The following P2RY14 variants were observed in gnomAD, a reference collection of about 807,000 sequenced individuals.
P2RY14 encodes the protein P2Y purinoceptor 14.
A neutral mutation model predicts 0.9 loss-of-function variants in P2RY14; 2 were observed. That is an observed-to-expected ratio of 2.16 (90% CI 0.88 to 6.79). The LOEUF (loss-of-function observed/expected upper bound fraction) is 6.79, where lower values mean the gene tolerates loss of function less well. P2RY14 is among the 30% of genes most tolerant of loss of function. The probability of loss-of-function intolerance (pLI) is 0.05; values close to 1 mark genes in which losing one functional copy is unlikely to be tolerated. For missense variants in P2RY14, 378 were observed against 400.1 expected (o/e 0.94, Z 0.47); for synonymous variants, 158 against 147.2 (o/e 1.07, Z -0.53).
chr3:151,234,689 G>A (rs913524002), intron 1 of P2RY14, among the ~76,000 whole-genome samples: 5 of 152,178 alleles, frequency 3.3e-5, no homozygotes, highest in Non-Finnish European at 5.9e-5. Flanking sequence ...CCAACCATTC[G>A]AAGCCTCAGT....
At chr3:151,277,960 C>T (rs760727388) in intron 1 of P2RY14, among the ~76,000 whole-genome samples, 3 of 152,134 alleles carry the variant, frequency 2.0e-5, no homozygotes, top group South Asian at 2.1e-4. Context: ...TACACATTTA[C>T]GAGCTTTTGA....
At chr3:151,251,067 T>C (rs1295265019) in intron 1 of P2RY14, among the ~76,000 whole-genome samples, 1 of 152,234 alleles carries the variant, frequency 6.6e-6, no homozygotes, top group African/African-American at 2.4e-5. Context: ...TCTGACACTG[T>C]TCCCTCCATG....
intron 1 of P2RY14, chr3:151,248,983 G>A (rs894223352): frequency 2.0e-5 from 3 of 152,146 alleles, no homozygotes; most frequent in African/African-American, 7.2e-5. Context: ...TTGACCAGTG[G>A]GAAACACTGC....
intron 1 of P2RY14, among the ~76,000 whole-genome samples, chr3:151,224,676 C>T (rs570191890): frequency 6.6e-6 from 1 of 152,200 alleles, no homozygotes; most frequent in Non-Finnish European, 1.5e-5. Flanking sequence ...CCTCCCACCC[C>T]CTATCTTTTG....
intron 1 of P2RY14, among the ~76,000 whole-genome samples, chr3:151,250,663 C>A (rs760381932): frequency 6.6e-6 from 1 of 152,126 alleles, no homozygotes; most frequent in African/African-American, 2.4e-5. Context: ...TTTGTTTATT[C>A]ATCTGTCCAT....
chr3:151,265,733 A>G (rs1232497022), intron 1 of P2RY14, among the ~76,000 whole-genome samples: 1 of 152,164 alleles, frequency 6.6e-6, no homozygotes, highest in East Asian at 1.9e-4. Flanking sequence ...TGGTGTCCCC[A>G]TCTCAGCCTC....
chr3:151,264,527 C>T (rs1245431827), intron 1 of P2RY14, among the ~76,000 whole-genome samples: 2 of 152,212 alleles, frequency 1.3e-5, no homozygotes, highest in Non-Finnish European at 2.9e-5. Flanking sequence ...CTAAGATAAC[C>T]ATAACCCAGT....
At position 151,213,152 on chromosome 3, in the gene P2RY14, A is replaced by G; in HGVS notation, c.*148T>C. On this transcript the variant is annotated 3_prime_UTR_variant, in exon 3 of 3. Coordinates refer to ENST00000309170, the MANE Select transcript of P2RY14 (RefSeq NM_014879.4). ...TCTTTGATGTTACAAAAAAGCATGG[A>G]AACTTATATTTGAATTTTATTGAAC... The G allele has an allele frequency of 3.3e-6, 2 of 608,606 alleles. No individual in the cohort carries two copies. The highest frequency in any genetic ancestry group is 5.5e-6 in the Non-Finnish European group (2 of 360,922). 37.7% of individuals were successfully genotyped at this position (608,606 alleles called of 1,614,324 possible).
intron 2 of P2RY14, among the ~76,000 whole-genome samples, chr3:151,214,687 A>G (rs1050623234): frequency 6.6e-5 from 10 of 151,974 alleles, no homozygotes; most frequent in African/African-American, 2.4e-4. Flanking sequence ...GTAAAGAGAA[A>G]CTGGAGCAGC....
intron 1 of P2RY14, among the ~76,000 whole-genome samples, chr3:151,231,534 C>A (rs546774865): frequency 1.3e-5 from 2 of 152,254 alleles, no homozygotes; most frequent in South Asian, 4.1e-4. Flanking sequence ...AATGAGCAAT[C>A]AGACAAATTT....
At chr3:151,243,755 C>T (rs1404192625) in intron 1 of P2RY14, among the ~76,000 whole-genome samples, 2 of 151,734 alleles carry the variant, frequency 1.3e-5, no homozygotes, top group Admixed American at 1.3e-4. Context: ...GGATCAAATT[C>T]ACACATAACA....
chr3:151,235,520 A>G (rs1335767785), intron 1 of P2RY14, among the ~76,000 whole-genome samples: 1 of 152,132 alleles, frequency 6.6e-6, no homozygotes, highest in East Asian at 1.9e-4. Flanking sequence ...CATGGCTAAC[A>G]TGGTGAAACC....
intron 1 of P2RY14, among the ~76,000 whole-genome samples, chr3:151,273,543 A>T (rs1741362933): frequency 6.6e-6 from 1 of 151,228 alleles, no homozygotes; most frequent in African/African-American, 2.4e-5. Flanking sequence ...GCCCGGCCTG[A>T]TTGTGTTCTT....
chr3:151,254,281 T>C (rs1260404067), intron 1 of P2RY14, among the ~76,000 whole-genome samples: 1 of 152,174 alleles, frequency 6.6e-6, no homozygotes, highest in Non-Finnish European at 1.5e-5. Context: ...ACCAGATAAT[T>C]ATGTCCACAA....
intron 1 of P2RY14, among the ~76,000 whole-genome samples, chr3:151,256,963 T>C (rs992988614): frequency 6.6e-6 from 1 of 152,096 alleles, no homozygotes; most frequent in African/African-American, 2.4e-5. Context: ...AGTCCACATA[T>C]GAAGTATGTA....
At chr3:151,255,377 C>A (rs1017401152) in intron 1 of P2RY14, among the ~76,000 whole-genome samples, 1 of 151,066 alleles carries the variant, frequency 6.6e-6, no homozygotes, top group Non-Finnish European at 1.5e-5. Context: ...GAGGGAGTTT[C>A]TAGATAATGA....
intron 1 of P2RY14, among the ~76,000 whole-genome samples, chr3:151,228,358 A>G (rs1730963569): frequency 2.0e-5 from 3 of 152,204 alleles, no homozygotes; most frequent in Admixed American, 2.0e-4. Context: ...TAAGAATCAA[A>G]TACCTGGTGT....
chr3:151,228,237 C>T (rs773386472), intron 1 of P2RY14, among the ~76,000 whole-genome samples: 15 of 152,192 alleles, frequency 9.9e-5, no homozygotes, highest in African/African-American at 1.9e-4. Context: ...ACATGTATGG[C>T]GCTAGAATAT....
Position 151,213,305 on chromosome 3 carries a change from A to G in P2RY14, c.1012T>C (p.Leu338=). 1 of 1,599,184 alleles carries G rather than the reference A, an allele frequency of 6.3e-7. No homozygotes were observed. The highest frequency in any genetic ancestry group is 8.5e-7 in the Non-Finnish European group (1 of 1,174,196). ...GNTTLESTDT[L] is the part of the protein sequence containing the mutation. The stretch of plus-strand genomic sequence containing the variant: ...CTTTGGAAGAGGGTAGGAACTCACA[A>G]AGTATCTGTGCTTTCAAGTGTTGTA... The change falls in exon 3 of 3, where the codon TTG becomes CTG. Residue 338 remains leucine (L), a synonymous_variant. Coordinates refer to ENST00000309170, the MANE Select transcript of P2RY14 (RefSeq NM_014879.4).
Sources: gnomAD v4.1 joint callset for allele counts (sites outside exome capture counted in the v4.1 genomes callset) on GRCh38, gnomAD v4.1.1 for gene constraint, MANE v1.5 for transcripts, NCBI Gene and HGNC (gene_info 2026-07-23, HGNC 2026-07-21) for gene names.